Variants in CNTNAP5 observed in about 807,000 individuals in gnomAD.
CNTNAP5 encodes contactin-associated protein-like 5.
CNTNAP5 carries 72 observed loss-of-function variants against 150.2 expected under a neutral mutation model. The ratio of observed to expected loss-of-function variants is 0.48; its 90% CI spans 0.40 to 0.58. The LOEUF is 0.58. Among genes scored for constraint, CNTNAP5 ranks in the 20% least tolerant of loss-of-function variants. The pLI, the probability that CNTNAP5 is intolerant of heterozygous loss-of-function variation, is 0.00. For missense variants in CNTNAP5, 1,636 were observed against 1,626.2 expected (o/e 1.01, Z -0.10); for synonymous variants, 672 against 619.8 (o/e 1.08, Z -1.25).
intron 13 of CNTNAP5, among the ~76,000 whole-genome samples, chr2:124,699,595 C>T (rs1679476697): frequency 6.6e-6 from 1 of 152,138 alleles, no homozygotes; most frequent in South Asian, 2.1e-4. Context: ...CAACCTCTCC[C>T]TTGGCTGTCC....
rs118067888 is a variant in CNTNAP5 at position 124,051,628 on chromosome 2, G to A, written c.82+25896G>A. The stretch of plus-strand genomic sequence containing the variant: ...GGAAGTATTAAGAAGAGCATTGATG[G>A]TGGTGGTGGTGGGGGCTTACATAGA... On this transcript the variant is annotated intron_variant, in intron 1 of 23. Coordinates refer to ENST00000682447, the MANE Select transcript of CNTNAP5 (RefSeq NM_001367498.1). Among the ~76,000 whole-genome samples, 19 of 152,310 alleles carry A rather than the reference G, an allele frequency of 1.2e-4. No homozygotes were observed. The East Asian group carries it at 3.3e-3, about 26-fold the overall frequency.
chr2:124,641,193 G>A (rs1177892491), intron 12 of CNTNAP5, among the ~76,000 whole-genome samples: 3 of 149,976 alleles, frequency 2.0e-5, no homozygotes, highest in Admixed American at 6.7e-5. Context: ...CCAGCACCAC[G>A]CTCAGTTCAA....
chr2:124,217,377 T>C (rs1686185227), intron 1 of CNTNAP5, among the ~76,000 whole-genome samples: 1 of 152,116 alleles, frequency 6.6e-6, no homozygotes, highest in Non-Finnish European at 1.5e-5. Flanking sequence ...CTGTTAGAAG[T>C]CTGAGATGCA....
intron 13 of CNTNAP5, among the ~76,000 whole-genome samples, chr2:124,742,190 C>A (rs1019878356): frequency 6.6e-6 from 1 of 152,088 alleles, no homozygotes; most frequent in Non-Finnish European, 1.5e-5. Flanking sequence ...GACAACATAC[C>A]CTTATGCAGT....
At chr2:124,857,657 C>A (rs1382086347) in intron 19 of CNTNAP5, among the ~76,000 whole-genome samples, 1 of 149,206 alleles carries the variant, frequency 6.7e-6, no homozygotes, top group Non-Finnish European at 1.5e-5. Context: ...GAAACCCTGT[C>A]TCCACTAAAA....
rs543921256 is a variant in CNTNAP5 at position 124,401,944 on chromosome 2, C to G, written c.382-15499C>G. On this transcript the variant is annotated intron_variant, in intron 3 of 23. Coordinates refer to ENST00000682447, the MANE Select transcript of CNTNAP5 (RefSeq NM_001367498.1). ...ACTTAATGGAAGACATTACCCCCTG[C>G]AACCTTCACGGGTTTACTGAGTAAC... 2.7e-3 allele frequency among the ~76,000 whole-genome samples: 405 copies of G among 152,236 alleles called. 2 individuals carry two copies. The highest frequency in any genetic ancestry group is 4.8e-3 in the Non-Finnish European group (328 of 68,012).
At chr2:124,486,928 A>G (rs1336917047) in intron 7 of CNTNAP5, among the ~76,000 whole-genome samples, 1 of 152,236 alleles carries the variant, frequency 6.6e-6, no homozygotes, top group Non-Finnish European at 1.5e-5. Context: ...ACCTGTCTAC[A>G]TGAAGATTTA....
intron 1 of CNTNAP5, among the ~76,000 whole-genome samples, chr2:124,083,105 C>A (rs926764906): frequency 5.3e-5 from 8 of 152,160 alleles, no homozygotes; most frequent in Non-Finnish European, 1.2e-4. Flanking sequence ...AATCCCAGCA[C>A]TTTGGGAGGC....
Position 124,433,542 on chromosome 2 carries a change from C to A in CNTNAP5, c.530-942C>A, listed in dbSNP as rs1489717099. ...CAAAAATTGAGTTTTCTTGGGTACT[C>A]AATTTTAAATAGAAAATCCCACCCC... On this transcript the variant is annotated intron_variant, in intron 4 of 23. Coordinates refer to ENST00000682447, the MANE Select transcript of CNTNAP5 (RefSeq NM_001367498.1). Among the ~76,000 whole-genome samples, 3 of 152,006 alleles carry A rather than the reference C, an allele frequency of 2.0e-5. No individual in the cohort carries two copies. The South Asian group carries it at 6.2e-4, about 32-fold the overall frequency.
intron 3 of CNTNAP5, among the ~76,000 whole-genome samples, chr2:124,407,208 G>A (rs939941360): frequency 2.6e-5 from 4 of 152,148 alleles, no homozygotes; most frequent in Admixed American, 1.3e-4. Context: ...ATTTTCACTA[G>A]AGGGATTGAG....
intron 6 of CNTNAP5, among the ~76,000 whole-genome samples, chr2:124,458,366 C>G (rs1054997836): frequency 8.1e-6 from 1 of 123,646 alleles, no homozygotes; most frequent in Non-Finnish European, 1.8e-5. Flanking sequence ...ATGTCATTCA[C>G]AGTGACCTGG....
intron 14 of CNTNAP5, among the ~76,000 whole-genome samples, chr2:124,759,938 CTTTTTT>C (rs571408475): frequency 5.5e-4 from 46 of 83,642 alleles, no homozygotes; most frequent in African/African-American, 1.9e-3. Flanking sequence ...ACTCCTCGGT[CTTTTTT>C]TTTTTTTTTT....
At chr2:124,057,560 G>C (rs952046557) in intron 1 of CNTNAP5, among the ~76,000 whole-genome samples, 1 of 150,034 alleles carries the variant, frequency 6.7e-6, no homozygotes, top group Non-Finnish European at 1.5e-5. Context: ...AAAGTGCTGG[G>C]ATTACAGGCA....
intron 19 of CNTNAP5, among the ~76,000 whole-genome samples, chr2:124,831,665 T>A (rs1031602731): frequency 4.6e-5 from 7 of 151,272 alleles, no homozygotes; most frequent in African/African-American, 1.7e-4. Flanking sequence ...AATAATTTCC[T>A]AATTTTTAGA....
chr2:124,400,689 G>GT (rs3034760), intron 3 of CNTNAP5, among the ~76,000 whole-genome samples: 21 of 95,698 alleles, frequency 2.2e-4, no homozygotes, highest in African/African-American at 6.8e-4. Context: ...TTTTTTTTTT[G>GT]TTTTTTTTCT....
chr2:124,252,489 C>A (rs1024391961), intron 3 of CNTNAP5, among the ~76,000 whole-genome samples: 1 of 152,142 alleles, frequency 6.6e-6, no homozygotes, highest in Non-Finnish European at 1.5e-5. Flanking sequence ...TTTTTCTGAG[C>A]CCTCTCTGGG....
intron 1 of CNTNAP5, among the ~76,000 whole-genome samples, chr2:124,177,336 T>C (rs995613391): frequency 6.6e-6 from 1 of 152,154 alleles, no homozygotes; most frequent in African/African-American, 2.4e-5. Flanking sequence ...TTCTGAGACC[T>C]TCATTTTGGG....
At chr2:124,677,886 T>C (rs530120948) in intron 13 of CNTNAP5, among the ~76,000 whole-genome samples, 1 of 151,980 alleles carries the variant, frequency 6.6e-6, no homozygotes, top group South Asian at 2.1e-4. Context: ...AGAGACCAAT[T>C]AGTAAAGTAA....
chr2:124,265,866 G>T (rs1027502173), intron 3 of CNTNAP5, among the ~76,000 whole-genome samples: 3 of 152,038 alleles, frequency 2.0e-5, no homozygotes, highest in African/African-American at 7.2e-5. Context: ...TCAGGTTACG[G>T]GTCAGTGCAA....
Sources: allele counts gnomAD v4.1 joint callset (sites outside exome capture counted in the v4.1 genomes callset), GRCh38; gene constraint gnomAD v4.1.1; transcripts MANE v1.5; gene names NCBI Gene and HGNC (gene_info 2026-07-23, HGNC 2026-07-21).